Variants in MYO7B observed in about 807,000 individuals in gnomAD.
MYO7B encodes the protein myosin VIIB, also known as unconventional myosin-VIIb.
In MYO7B, 212 loss-of-function variants were observed where a neutral mutation model predicts 259.7. The observed-to-expected ratio is 0.82, with a 90% CI of 0.73 to 0.91. The LOEUF is 0.91. MYO7B is among the 40% of genes least tolerant of loss of function. The pLI, the probability that MYO7B is intolerant of heterozygous loss-of-function variation, is 0.00. For missense variants in MYO7B, 2,732 were observed against 2,813.5 expected (o/e 0.97, Z 0.66); for synonymous variants, 1,197 against 1,166.4 (o/e 1.03, Z -0.54).
In MYO7B at chr2:127,611,617, G is replaced by A. The variant is rs1268659251; in HGVS notation, c.3193-633G>A. Among the ~76,000 whole-genome samples, 1 of 152,166 alleles carries A rather than the reference G, an allele frequency of 6.6e-6. No individual in the cohort carries two copies. The highest frequency in any genetic ancestry group is 1.5e-5 in the Non-Finnish European group (1 of 68,020). On this transcript the variant is annotated intron_variant, in intron 24 of 47. Transcript: ENST00000409816. This position sits in a 1 kb window ranked among gnomAD's most constrained non-coding sequence, Gnocchi z 5.4. ...AGCTTTGACGCACCCAGGAGCTGGT[G>A]CCTGGCCCTGGACCAGGCTGACCCC...
chr2:127,568,291 C>T (rs528181204), intron 5 of MYO7B, among the ~76,000 whole-genome samples: 26 of 152,294 alleles, frequency 1.7e-4, no homozygotes, highest in Admixed American at 6.5e-5. Flanking sequence ...TGGAGGTTGG[C>T]GGGGCTGGCA....
At chr2:127,599,203 CA>C (rs1679874917) in intron 19 of MYO7B, among the ~76,000 whole-genome samples, 1 of 152,178 alleles carries the variant, frequency 6.6e-6, no homozygotes, top group South Asian at 2.1e-4. Flanking sequence ...TACGTAGCTC[CA>C]TTTATTTAGC....
rs749277619 is a variant in MYO7B, at chr2:127,625,432, G to A, written c.4112G>A (p.Ser1371Asn). ...CYVQLGASAE[S>N]KAVQELLPSC... The stretch of plus-strand genomic sequence containing the variant: ...GTGCAGCTCGGCGCCTCAGCAGAGA[G>A]CAAGGCTGTCCAGGAGCTGCTGCCC... Residue 1371 changes from serine (S) to asparagine (N), a missense_variant, in exon 31 of 48, where the codon AGC becomes AAC. Physicochemically the swap from Ser to Asn is conservative, Grantham distance 46 (BLOSUM62 1). Around this residue, in one of 3 missense-constraint regions of MYO7B, gnomAD observed 1,906 missense variants for 2,026.4 expected, o/e 0.94. Coordinates refer to ENST00000409816, the MANE Select transcript of MYO7B (RefSeq NM_001393586.1). The A allele has an allele frequency of 1.2e-6, 2 of 1,611,636 alleles. No individual in the cohort carries two copies. The highest frequency in any genetic ancestry group is 1.7e-5 in the Admixed American group (1 of 59,852).
At chr2:127,600,132 T>A (rs1235313482) in intron 19 of MYO7B, among the ~76,000 whole-genome samples, 1 of 152,150 alleles carries the variant, frequency 6.6e-6, no homozygotes, top group Admixed American at 6.5e-5. Flanking sequence ...GGCCTGGGAA[T>A]TTTTTTATAG....
chr2:127,568,682 A>G (rs1458933815), intron 5 of MYO7B, among the ~76,000 whole-genome samples: 1 of 152,094 alleles, frequency 6.6e-6, no homozygotes, highest in Admixed American at 6.5e-5. Flanking sequence ...GGATCACCTG[A>G]GGTCAGGAGT....
Position 127,577,136 on chromosome 2 carries a change from C to T in MYO7B, c.849+428C>T, listed in dbSNP as rs1296173998. Reference sequence around the variant, plus strand: ...CCTGTGCTCCCAGCTGCACCCGCCACCTAGGACAGGGCGGCACCACAGCCA... The same window carrying T: ...CCTGTGCTCCCAGCTGCACCCGCCATCTAGGACAGGGCGGCACCACAGCCA... On this transcript the variant is annotated intron_variant, in intron 8 of 47. Transcript: ENST00000409816. This position sits in a 1 kb window ranked among gnomAD's most constrained non-coding sequence, Gnocchi z 5.2. 6.6e-6 allele frequency among the ~76,000 whole-genome samples: 1 copy of T among 152,172 alleles called. No homozygotes were observed. The highest frequency in any genetic ancestry group is 6.5e-5 in the Admixed American group (1 of 15,288).
rs189985430 is a variant in MYO7B at position 127,636,140 on chromosome 2, G to A, written c.6007-68G>A. 9,128 of 1,329,344 alleles carry A rather than the reference G, an allele frequency of 6.9e-3. 41 individuals carry two copies. The highest frequency in any genetic ancestry group is 8.7e-3 in the Non-Finnish European group (8,108 of 936,062). 82.3% of individuals were successfully genotyped at this position (1,329,344 alleles called of 1,614,324 possible). A position where few individuals can be genotyped will look rare whatever the true frequency, so the allele number is the denominator to read the frequency against. On this transcript the variant is annotated intron_variant, in intron 44 of 47. Coordinates refer to ENST00000409816, the MANE Select transcript of MYO7B (RefSeq NM_001393586.1). This position sits in a 1 kb window ranked among gnomAD's most constrained non-coding sequence, Gnocchi z 4.5. ...CGTACTAGCCCTGGGGTAGGCAGGT[G>A]CTGCCCCCACCAGGGCTTTGGAGGG...
intron 1 of MYO7B, among the ~76,000 whole-genome samples, chr2:127,551,277 T>C (rs1337814190): frequency 2.0e-5 from 3 of 152,212 alleles, no homozygotes; most frequent in Non-Finnish European, 4.4e-5. Context: ...AATCTGTTGT[T>C]GACTATAAAA....
Position 127,614,153 on chromosome 2 carries a change from G to T in MYO7B, c.3398+1550G>T, listed in dbSNP as rs1047601226. ...TGGCAGACACATAAAAGCTATATTC[G>T]AATGATGTGTACTTTGGGTTCTTCA... On this transcript the variant is annotated intron_variant, in intron 26 of 47. Coordinates refer to ENST00000409816, the MANE Select transcript of MYO7B (RefSeq NM_001393586.1). This position sits in a 1 kb window ranked among gnomAD's most constrained non-coding sequence, Gnocchi z 4.6. 6.6e-6 allele frequency among the ~76,000 whole-genome samples: 1 copy of T among 152,120 alleles called. No individual in the cohort carries two copies. Among genetic ancestry groups the T allele is most frequent in the East Asian group, 1.9e-4 (1 of 5,190 alleles).
intron 26 of MYO7B, among the ~76,000 whole-genome samples, chr2:127,616,869 A>G (rs567826785): frequency 2.2e-4 from 34 of 152,306 alleles, no homozygotes; most frequent in South Asian, 8.3e-4. Flanking sequence ...GATGAGCCCA[A>G]TGATTTCCTT....
intron 15 of MYO7B, among the ~76,000 whole-genome samples, chr2:127,588,912 G>C (rs1259242979): frequency 6.7e-6 from 1 of 150,356 alleles, no homozygotes; most frequent in Non-Finnish European, 1.5e-5. Context: ...TGAGTGGATG[G>C]ATGGGTGAGT....
chr2:127,606,116 A>G (rs758011837), intron 20 of MYO7B, among the ~76,000 whole-genome samples, 188 bp downstream of exon 20: 2 of 152,232 alleles, frequency 1.3e-5, no homozygotes, highest in South Asian at 2.1e-4. Context: ...TTCTTAGCAT[A>G]ATCTCTGGCC....
At chr2:127,566,556 C>A in intron 4 of MYO7B, 87 bp from the exon 5 acceptor site, 1 of 1,334,242 alleles carries the variant, frequency 7.5e-7, no homozygotes, top group Non-Finnish European at 9.9e-7. Context: ...ACCCCGAGGG[C>A]AGAGCCAGAG....
chr2:127,619,817 C>T (rs1428770201), intron 26 of MYO7B, among the ~76,000 whole-genome samples: 1 of 152,002 alleles, frequency 6.6e-6, no homozygotes, highest in Non-Finnish European at 1.5e-5. Flanking sequence ...CAGGAGAGAA[C>T]CGCCCCCAAC....
chr2:127,588,307 T>TATTC, intron 14 of MYO7B, 85 bp from the exon 15 acceptor site: 4 of 1,490,962 alleles, frequency 2.7e-6, no homozygotes, highest in Non-Finnish European at 3.6e-6. Context: ...ACGCATCCTG[T>TATTC]ATTCCCCCAC....
At chr2:127,571,231 T>A (rs1474537911) in intron 6 of MYO7B, among the ~76,000 whole-genome samples, 1 of 152,104 alleles carries the variant, frequency 6.6e-6, no homozygotes, top group Non-Finnish European at 1.5e-5. Flanking sequence ...TTGTCCTGTG[T>A]CCCCACCAGC....
rs1246477515 is a variant in MYO7B, at chr2:127,559,296, C to T, written c.-23-404C>T. On this transcript the variant is annotated intron_variant, in intron 1 of 47. Transcript: ENST00000409816. This position sits in a 1 kb window ranked among gnomAD's most constrained non-coding sequence, Gnocchi z 4.1. ...CATGTCTAAAGTGAGGGAACACGCA[C>T]ATTCTGCAGTGCTGTGAGGCTTAAA... is the stretch of plus-strand genomic sequence containing the variant. Among the ~76,000 whole-genome samples the T allele has an allele frequency of 6.6e-6, 1 of 152,242 alleles. No homozygotes were observed. Among genetic ancestry groups the T allele is most frequent in the African/African-American group, 2.4e-5 (1 of 41,466 alleles).
chr2:127,574,391 A>G (rs1420056002), intron 7 of MYO7B, among the ~76,000 whole-genome samples: 1 of 152,116 alleles, frequency 6.6e-6, no homozygotes, highest in Non-Finnish European at 1.5e-5. Context: ...TGAAAAAAAA[A>G]ATTAGCTAGG....
In MYO7B at chr2:127,627,449, C is replaced by T. The variant is rs1457979705; in HGVS notation, c.4460+139C>T. Reference sequence around the variant, plus strand: ...GTGGAGGGACAAGAATCTACGTATGCGATGGCTTCTGTACTTCGGAGCCCC... The same window carrying T: ...GTGGAGGGACAAGAATCTACGTATGTGATGGCTTCTGTACTTCGGAGCCCC... On this transcript the variant is annotated intron_variant, in intron 33 of 47. Coordinates refer to ENST00000409816, the MANE Select transcript of MYO7B (RefSeq NM_001393586.1). The surrounding 1 kb of genome is among the most constrained non-coding windows in gnomAD (Gnocchi z 5.6). 2 of 1,193,358 alleles carry T rather than the reference C, an allele frequency of 1.7e-6. No homozygotes were observed. Among genetic ancestry groups the T allele is most frequent in the South Asian group, 1.3e-5 (1 of 74,652 alleles). The allele number at this position is 1,193,358 out of a possible 1,614,324, so 73.9% of individuals were successfully genotyped here.
Sources: allele counts gnomAD v4.1 joint callset (sites outside exome capture counted in the v4.1 genomes callset), GRCh38; gene constraint gnomAD v4.1.1; regional missense constraint gnomAD v4.1.1; non-coding constraint Gnocchi (gnomAD v3.1); transcripts MANE v1.5; gene names NCBI Gene and HGNC (gene_info 2026-07-23, HGNC 2026-07-21).